The following ETV1 variants were observed in gnomAD, a reference collection of about 807,000 sequenced individuals.
ETV1 encodes the protein ETS variant transcription factor 1.
A neutral mutation model predicts 62.3 loss-of-function variants in ETV1; 27 were observed. The observed-to-expected ratio is 0.43, with a 90% CI of 0.32 to 0.60. The LOEUF (loss-of-function observed/expected upper bound fraction) is 0.60. Ranked by LOEUF, ETV1 falls within the 20% of genes least tolerant of loss-of-function variation. The pLI is 0.06. For synonymous variants in ETV1, 222 were observed against 199.6 expected, an observed-to-expected ratio of 1.11 and a Z score of -0.94; for missense variants, 605 against 605.8, an observed-to-expected ratio of 1.00 and a Z score of 0.01.
chr7:13,969,332 T>C (rs538872473), intron 6 of ETV1, among the ~76,000 whole-genome samples: 7 of 152,344 alleles, frequency 4.6e-5, no homozygotes, highest in African/African-American at 1.7e-4. Flanking sequence ...CATTTTTATA[T>C]AGCCTTCGCT....
intron 5 of ETV1, among the ~76,000 whole-genome samples, chr7:13,985,671 T>A (rs1782479259): frequency 6.6e-6 from 1 of 152,164 alleles, no homozygotes; most frequent in Non-Finnish European, 1.5e-5. Flanking sequence ...CAAATAATAC[T>A]GTTATACACT....
At chr7:13,979,392 C>A (rs1261990049) in intron 5 of ETV1, among the ~76,000 whole-genome samples, 1 of 151,938 alleles carries the variant, frequency 6.6e-6, no homozygotes, top group Non-Finnish European at 1.5e-5. Flanking sequence ...AGAGAGGCAA[C>A]GAAACAGCTA....
chr7:13,988,802 A>G (rs1380954842), intron 3 of ETV1: 1 of 1,605,726 alleles, frequency 6.2e-7, no homozygotes, highest in Non-Finnish European at 8.5e-7. Context: ...GGTCTTAAAA[A>G]CAAAACTATG....
intron 9 of ETV1, among the ~76,000 whole-genome samples, chr7:13,918,874 T>TAAAAAA (rs370489670): frequency 3.5e-5 from 5 of 141,676 alleles, no homozygotes; most frequent in Admixed American, 7.0e-5. Flanking sequence ...TAAAGTATAA[T>TAAAAAA]AAAAAAAAAA....
intron 5 of ETV1, chr7:13,985,336 AACTTTCAGTAAGTCTT>A (rs1469283879): frequency 6.6e-6 from 1 of 152,150 alleles, no homozygotes; most frequent in Non-Finnish European, 1.5e-5. Flanking sequence ...ATATAGCCAA[AACTTTCAGTAAGTCTT>A]ACCTTCATTA....
At position 13,893,538 on chromosome 7, in the gene ETV1, T is replaced by C. The variant is rs1293635551; in HGVS notation, c.*2328A>G. On this transcript the variant is annotated 3_prime_UTR_variant, in exon 14 of 14. Transcript: ENST00000430479. ...TAACTAATACCATTTCTGCCATTGT[T>C]CTCTTGTGATAACGTTAGCATGGCC... 6 of 231,808 alleles carry C rather than the reference T, an allele frequency of 2.6e-5. No homozygotes were observed. In the Admixed American group the frequency reaches 3.4e-4, roughly 13 times the overall value. 14.4% of individuals were successfully genotyped at this position (231,808 alleles called of 1,614,324 possible).
At chr7:13,911,064 A>C (rs1327691782) in intron 10 of ETV1, among the ~76,000 whole-genome samples, 175 bp downstream of exon 10, 1 of 152,240 alleles carries the variant, frequency 6.6e-6, no homozygotes, top group Non-Finnish European at 1.5e-5. Flanking sequence ...TAACAACAAG[A>C]TACCACTACT....
intron 9 of ETV1, among the ~76,000 whole-genome samples, chr7:13,920,036 G>T (rs1037593471): frequency 6.6e-6 from 1 of 151,992 alleles, no homozygotes; most frequent in African/African-American, 2.4e-5. Flanking sequence ...TAAATATCCT[G>T]GTTGTTTTAT....
At chr7:13,921,455 G>C (rs1784841942) in intron 9 of ETV1, among the ~76,000 whole-genome samples, 1 of 152,114 alleles carries the variant, frequency 6.6e-6, no homozygotes, top group Non-Finnish European at 1.5e-5. Flanking sequence ...TTTGTACTTT[G>C]TTCCTTGACT....
At chr7:13,984,966 G>C (rs1358770198) in intron 5 of ETV1, among the ~76,000 whole-genome samples, 1 of 146,564 alleles carries the variant, frequency 6.8e-6, no homozygotes, top group Non-Finnish European at 1.5e-5. Flanking sequence ...AAAATGGTAA[G>C]AGTCTGTCAC....
At chr7:13,944,378 C>T (rs1164647707) in intron 6 of ETV1, among the ~76,000 whole-genome samples, 2 of 152,144 alleles carry the variant, frequency 1.3e-5, no homozygotes, top group African/African-American at 2.4e-5. Context: ...GCCATCTTCT[C>T]GCTGCAACTT....
intron 6 of ETV1, among the ~76,000 whole-genome samples, chr7:13,940,673 G>C (rs901172655): frequency 6.6e-6 from 1 of 152,106 alleles, no homozygotes; most frequent in Non-Finnish European, 1.5e-5. Context: ...CAAAAAGGAA[G>C]ATATGACAAG....
At chr7:13,931,190 G>GA (rs1240483807) in intron 9 of ETV1, among the ~76,000 whole-genome samples, 2 of 151,558 alleles carry the variant, frequency 1.3e-5, no homozygotes, top group Admixed American at 6.6e-5. Context: ...AAAATAAGAA[G>GA]AAAAAAAAGT....
At chr7:13,919,279 C>T (rs1023586474) in intron 9 of ETV1, among the ~76,000 whole-genome samples, 1 of 151,502 alleles carries the variant, frequency 6.6e-6, no homozygotes, top group African/African-American at 2.4e-5. Flanking sequence ...GATGTCAGGC[C>T]CAGGATTTAC....
rs923400886 is a variant in ETV1 at position 13,893,365 on chromosome 7, T to A, written c.*2501A>T. ...GAATCAAAACAGAACTTAAAAAATTTTAGATACATTTTTCAAAAGAGTTTA... is the reference window on the plus strand; with the variant it reads ...GAATCAAAACAGAACTTAAAAAATTATAGATACATTTTTCAAAAGAGTTTA... On this transcript the variant is annotated 3_prime_UTR_variant, in exon 14 of 14. Coordinates refer to ENST00000430479, the MANE Select transcript of ETV1 (RefSeq NM_004956.5). 2.6e-5 allele frequency: 6 copies of A among 231,238 alleles called. No homozygotes were observed. Among genetic ancestry groups the A allele is most frequent in the Non-Finnish European group, 5.1e-5 (6 of 116,978 alleles). The allele number at this position is 231,238 out of a possible 1,614,324, so 14.3% of individuals were successfully genotyped here. A position where few individuals can be genotyped will look rare whatever the true frequency, so the allele number is the denominator to read the frequency against.
At chr7:13,941,295 T>G (rs1787477908) in intron 6 of ETV1, among the ~76,000 whole-genome samples, 1 of 152,216 alleles carries the variant, frequency 6.6e-6, no homozygotes, top group Non-Finnish European at 1.5e-5. Context: ...TGTCTGTTAA[T>G]TTTGTTGGAT....
chr7:13,970,392 A>T (rs1468780527), intron 6 of ETV1, among the ~76,000 whole-genome samples: 1 of 151,896 alleles, frequency 6.6e-6, no homozygotes, highest in Non-Finnish European at 1.5e-5. Flanking sequence ...CTATCGTATA[A>T]CTCTCAGGAA....
Position 13,891,236 on chromosome 7 carries a change from T to A in ETV1, c.*4630A>T, listed in dbSNP as rs1781367915. On this transcript the variant is annotated 3_prime_UTR_variant, in exon 14 of 14. Transcript: ENST00000430479. ...GATCACGACAGTCCAATATTTTCAG[T>A]TTCTGGGCTTTTATTTTAGATTTAA... The A allele has an allele frequency of 4.5e-6, 1 of 221,746 alleles. No homozygotes were observed. Among genetic ancestry groups the A allele is most frequent in the South Asian group, 1.8e-4 (1 of 5,432 alleles). The allele number at this position is 221,746 out of a possible 1,614,324, so 13.7% of individuals were successfully genotyped here.
rs1783724566 is a variant in ETV1 at position 13,913,159 on chromosome 7, GCATTGCATATGC to G, written c.803-1864_803-1853del. 3.3e-5 allele frequency among the ~76,000 whole-genome samples: 5 copies of G among 152,328 alleles called. No individual in the cohort carries two copies. The South Asian group carries it at 1.0e-3, about 32-fold the overall frequency. On this transcript the variant is annotated intron_variant, in intron 9 of 13. Transcript: ENST00000430479. ...AAATGTTTTGTGGCAGAGGAAGGAG[GCATTGCATATGC>G]ATTCAGTTCTGTTTCTTCACGAATA...
Sources: allele counts gnomAD v4.1 joint callset (sites outside exome capture counted in the v4.1 genomes callset), GRCh38; gene constraint gnomAD v4.1.1; transcripts MANE v1.5; gene names NCBI Gene and HGNC (gene_info 2026-07-23, HGNC 2026-07-21).